SYNE1: variants seen among roughly 807,000 people sequenced by gnomAD.
The protein encoded by SYNE1 is spectrin repeat containing nuclear envelope protein 1.
In SYNE1, 616 loss-of-function variants were observed where a neutral mutation model predicts 1,111.0. That is an observed-to-expected ratio of 0.55 (90% confidence interval 0.52 to 0.59). SYNE1 has a LOEUF of 0.59. SYNE1 is among the 20% of genes least tolerant of loss of function. SYNE1 has a pLI of 0.00. For missense variants in SYNE1, 10,006 were observed against 10,417.0 expected (o/e 0.96, Z 1.72); for synonymous variants, 3,855 against 3,825.8 (o/e 1.01, Z -0.28).
intron 22 of SYNE1, 23 bp downstream of exon 22, chr6:152,458,734 C>T (rs747986343): frequency 6.2e-7 from 1 of 1,612,874 alleles, no homozygotes; most frequent in Admixed American, 1.7e-5. Flanking sequence ...GAATAATTGT[C>T]TCCTGAAAAG....
At position 152,359,255 on chromosome 6, in the gene SYNE1, G is replaced by A. The variant is rs1483628339; in HGVS notation, c.10443+60C>T. 3.1e-5 allele frequency: 50 copies of A among 1,608,830 alleles called. 2 individuals are homozygous for A. The South Asian group carries it at 5.3e-4, about 17-fold the overall frequency. On this transcript the variant is annotated intron_variant, in intron 65 of 145. Transcript: ENST00000367255. ...TCTTGAACATAAATGAGTCTTTAAA[G>A]GAGCACAGCTCCAAACACTCCCCTT...
chr6:152,481,647 T>C (rs2098900791), intron 14 of SYNE1: 1 of 412,196 alleles, frequency 2.4e-6, no homozygotes, highest in Non-Finnish European at 4.8e-6. Context: ...TATATATGCT[T>C]AGTTGCTAAT....
At chr6:152,481,586 AG>A (rs1564354934) in intron 14 of SYNE1, 1 of 450,532 alleles carries the variant, frequency 2.2e-6, no homozygotes, top group Non-Finnish European at 4.4e-6. Context: ...ATGCCAGTTA[AG>A]GTAAAAAAAT....
At chr6:152,629,549 A>T (rs986228396) in intron 2 of SYNE1, among the ~76,000 whole-genome samples, 3 of 13,342 alleles carry the variant, frequency 2.2e-4, no homozygotes, top group Non-Finnish European at 3.8e-4. Flanking sequence ...GGGGGAGGGG[A>T]GGAGGGGGTG....
At chr6:152,262,976 G>T (rs1394983366) in intron 100 of SYNE1, among the ~76,000 whole-genome samples, 2 of 151,554 alleles carry the variant, frequency 1.3e-5, no homozygotes, top group East Asian at 3.9e-4. Context: ...ACAGGACATG[G>T]AGGGGTAATA....
At chr6:152,320,557 G>T (rs1331725530) in intron 84 of SYNE1, among the ~76,000 whole-genome samples, 1 of 151,922 alleles carries the variant, frequency 6.6e-6, no homozygotes, top group Non-Finnish European at 1.5e-5. Context: ...GATGATATTT[G>T]AGCCTATTTT....
chr6:152,243,896 C>T (rs1004275490), intron 106 of SYNE1, among the ~76,000 whole-genome samples: 1 of 152,178 alleles, frequency 6.6e-6, no homozygotes, highest in Non-Finnish European at 1.5e-5. Context: ...CAAGGATCTT[C>T]TTCCTACCCC....
intron 145 of SYNE1, chr6:152,129,041 C>T (rs992927356): frequency 6.6e-6 from 1 of 152,158 alleles, no homozygotes; most frequent in Non-Finnish European, 1.5e-5. Flanking sequence ...GTTAATGAAC[C>T]GTGCTGGACA....
intron 139 of SYNE1, among the ~76,000 whole-genome samples, chr6:152,140,743 G>A (rs940749173): frequency 6.6e-6 from 1 of 152,110 alleles, no homozygotes; most frequent in Non-Finnish European, 1.5e-5. Context: ...ACTGTCAAAG[G>A]AGACTGTTGG....
intron 3 of SYNE1, among the ~76,000 whole-genome samples, chr6:152,618,155 G>T (rs1300945428): frequency 1.3e-5 from 2 of 152,168 alleles, no homozygotes; most frequent in Non-Finnish European, 2.9e-5. Context: ...GTTTCTGGAT[G>T]TATTGTAAGA....
At chr6:152,212,538 T>C (rs146949862) in intron 123 of SYNE1, among the ~76,000 whole-genome samples, 1 of 152,286 alleles carries the variant, frequency 6.6e-6, no homozygotes, top group East Asian at 1.9e-4. Flanking sequence ...TGATGGACAT[T>C]TGGGTTGTCT....
intron 3 of SYNE1, among the ~76,000 whole-genome samples, chr6:152,545,776 G>T (rs2099309473): frequency 6.6e-6 from 1 of 152,030 alleles, no homozygotes; most frequent in African/African-American, 2.4e-5. Flanking sequence ...ATGCCTAATA[G>T]GTTTCTTTAA....
chr6:152,539,865 T>C (rs1339334114), intron 4 of SYNE1, 95 bp downstream of exon 4: 1 of 1,324,312 alleles, frequency 7.6e-7, no homozygotes, highest in Non-Finnish European at 1.1e-6. Flanking sequence ...TTCGCAACAG[T>C]GACAACAGGG....
intron 96 of SYNE1, among the ~76,000 whole-genome samples, chr6:152,282,787 T>G (rs1192119546): frequency 6.6e-6 from 1 of 152,110 alleles, no homozygotes. Context: ...ATACAAGAAG[T>G]ATTAGGTTGG....
rs762945450 is a variant in SYNE1 at position 152,326,118 on chromosome 6, C to T, written c.15294-16G>A. ...AGCTGTGCATCTTGAAAGAGTCCAA[C>T]AGAAACTGATAAGTAGCACGAAATC... On this transcript the variant is annotated splice_polypyrimidine_tract_variant and intron_variant, in intron 79 of 145. Transcript: ENST00000367255. The T allele has an allele frequency of 1.2e-5, 20 of 1,613,988 alleles. No individual in the cohort carries two copies. Among genetic ancestry groups the T allele is most frequent in the Admixed American group, 5.0e-5 (3 of 59,990 alleles).
intron 14 of SYNE1, among the ~76,000 whole-genome samples, chr6:152,477,753 A>G (rs569977999): frequency 2.3e-4 from 35 of 152,236 alleles, no homozygotes; most frequent in Non-Finnish European, 4.3e-4. Flanking sequence ...AGCTCAACAG[A>G]TATTTGTTGA....
chr6:152,381,036 C>T lies in SYNE1; in HGVS notation c.8979G>A (p.Glu2993=). The T allele has an allele frequency of 6.2e-7, 1 of 1,614,156 alleles. No individual in the cohort carries two copies. ...CTTTGTGCCAGCATTCCACTATCTCCTCATCCGTGTTCTTGCCTTCCAGGA... is the reference window on the plus strand; with the variant it reads ...CTTTGTGCCAGCATTCCACTATCTCTTCATCCGTGTTCTTGCCTTCCAGGA... ...LTLLEGKNTD[E]EIVECWHKGQ... Residue 2993 remains glutamate (E), a synonymous_variant, in exon 56 of 146, where the codon GAG becomes GAA. Coordinates refer to ENST00000367255, the MANE Select transcript of SYNE1 (RefSeq NM_182961.4).
chr6:152,456,149 T>C, intron 22 of SYNE1, 105 bp from the exon 23 acceptor site: 1 of 1,260,982 alleles, frequency 7.9e-7, no homozygotes, highest in Non-Finnish European at 1.1e-6. Context: ...TATATAGCTT[T>C]TAGGCTTCTA....
At chr6:152,188,040 T>C (rs1399390081) in intron 128 of SYNE1, among the ~76,000 whole-genome samples, 1 of 152,206 alleles carries the variant, frequency 6.6e-6, no homozygotes, top group African/African-American at 2.4e-5. Context: ...TAGACAGTTT[T>C]ATACATTGTT....
Sources: gnomAD v4.1 joint callset for allele counts (sites outside exome capture counted in the v4.1 genomes callset) on GRCh38, gnomAD v4.1.1 for gene constraint, MANE v1.5 for transcripts, NCBI Gene and HGNC (gene_info 2026-07-23, HGNC 2026-07-21) for gene names.